The following FAM83G variants were observed in gnomAD, a reference collection of about 807,000 sequenced individuals.
FAM83G encodes the protein scaffolding CK1 anchoring protein G.
In FAM83G, 38 loss-of-function variants were observed where a neutral mutation model predicts 61.5. The observed-to-expected ratio is 0.62, with a 90% confidence interval of 0.48 to 0.81. The LOEUF (loss-of-function observed/expected upper bound fraction) is 0.81. Among genes scored for constraint, FAM83G ranks in the 30% least tolerant of loss-of-function variants. FAM83G has a pLI of 0.00. For synonymous variants in FAM83G, 470 were observed against 476.1 expected (o/e 0.99, Z 0.17); for missense variants, 989 against 1,133.6 (o/e 0.87, Z 1.83).
chr17:18,987,144 C>G (rs1294958184), intron 3 of FAM83G, among the ~76,000 whole-genome samples: 2 of 152,244 alleles, frequency 1.3e-5, no homozygotes, highest in Non-Finnish European at 2.9e-5. Context: ...GTTAACCAGA[C>G]TGGCGGTGCC....
Position 18,978,742 on chromosome 17 carries a change from G to A in FAM83G, c.924C>T (p.His308=), listed in dbSNP as rs201631502. The stretch of plus-strand genomic sequence containing the variant: ...TAGGGATGCCCTTGAGGCTCACACT[G>A]TGTGACATGAGGTACAGCTCCTGGA... ...RQFQELYLMS[H]SVSLKGIPME... The change falls in exon 5 of 6, where the codon CAC becomes CAT. Residue 308 remains histidine (H), a synonymous_variant. Transcript: ENST00000388995. 1 of 1,613,022 alleles carries A rather than the reference G, an allele frequency of 6.2e-7. No individual in the cohort carries two copies. The highest frequency in any genetic ancestry group is 1.3e-5 in the African/African-American group (1 of 75,038).
intron 3 of FAM83G, among the ~76,000 whole-genome samples, chr17:18,987,763 G>A (rs904948936): frequency 1.3e-5 from 2 of 152,244 alleles, no homozygotes; most frequent in Admixed American, 1.3e-4. Flanking sequence ...GCCCCAGCCT[G>A]AGGGAGCTTC....
rs747472551 is a variant in FAM83G at position 18,988,206 on chromosome 17, C to T, written c.690+41G>A. 6 of 1,596,238 alleles carry T rather than the reference C, an allele frequency of 3.8e-6. No individual in the cohort carries two copies. In the South Asian group the frequency reaches 5.5e-5, roughly 15 times the overall value. On this transcript the variant is annotated intron_variant, in intron 3 of 5. Transcript: ENST00000388995. ...GTGTTTGTTGACAGACTGAATGACCCCTGCCCTCCAGCCACCCAGGCAAGT... is the reference window on the plus strand; with the variant it reads ...GTGTTTGTTGACAGACTGAATGACCTCTGCCCTCCAGCCACCCAGGCAAGT...
chr17:19,005,098 T>C (rs1021737910), upstream of FAM83G, among the ~76,000 whole-genome samples: 1 of 152,104 alleles, frequency 6.6e-6, no homozygotes, highest in African/African-American at 2.4e-5. Context: ...TTCGCCGGCG[T>C]GGCGGGAAGT....
chr17:18,973,139 AG>A (rs2042896710), intron 5 of FAM83G, among the ~76,000 whole-genome samples: 1 of 152,332 alleles, frequency 6.6e-6, no homozygotes, highest in South Asian at 2.1e-4. Context: ...TTGGCCGTGG[AG>A]GGCACAGTAG....
intron 3 of FAM83G, among the ~76,000 whole-genome samples, chr17:18,984,616 GT>G (rs1463339001): frequency 1.3e-5 from 2 of 152,228 alleles, no homozygotes; most frequent in Non-Finnish European, 1.5e-5. Context: ...GGTATTTCCA[GT>G]TTGGCTGCAC....
chr17:18,989,989 T>A (rs1335716861), intron 2 of FAM83G, among the ~76,000 whole-genome samples: 1 of 152,166 alleles, frequency 6.6e-6, no homozygotes, highest in Non-Finnish European at 1.5e-5. Flanking sequence ...CAGCTGGGAC[T>A]CCCAGAACTC....
Position 18,978,356 on chromosome 17 carries a change from C to T in FAM83G, c.1310G>A (p.Trp437Ter). ...GTTCATCTGGCTGGGCTGGGGGTTC[C>T]AGATGTTGGGGTCGATGATATTGAT... ...GYINIIDPNI[W>*]NPQPSQMNRI... Residue 437 changes from tryptophan (W) to a stop codon, truncating the protein, a stop_gained, in exon 5 of 6, where the codon TGG (tryptophan) becomes TAG (stop). Transcript: ENST00000388995. LOFTEE classifies it high-confidence loss of function. 1 of 1,599,392 alleles carries T rather than the reference C, an allele frequency of 6.3e-7. No individual in the cohort carries two copies. The highest frequency in any genetic ancestry group is 8.5e-7 in the Non-Finnish European group (1 of 1,173,412).
intron 2 of FAM83G, among the ~76,000 whole-genome samples, chr17:18,994,984 A>G (rs542265946): frequency 3.2e-4 from 48 of 152,256 alleles, no homozygotes; most frequent in Non-Finnish European, 4.0e-4. Context: ...AAAGCTTGAC[A>G]GGAAGCCACA....
At chr17:18,997,099 C>A (rs1489224855) in intron 2 of FAM83G, among the ~76,000 whole-genome samples, 1 of 152,250 alleles carries the variant, frequency 6.6e-6, no homozygotes, top group African/African-American at 2.4e-5. Flanking sequence ...CTCATTAAGG[C>A]CAATTAAAGG....
rs746971207 is a variant in FAM83G, at chr17:18,978,827, G to A, written c.839C>T (p.Thr280Met). The A allele has an allele frequency of 1.0e-4, 164 of 1,612,384 alleles. 2 individuals carry two copies. The South Asian group carries it at 1.2e-3, about 12-fold the overall frequency. The change falls in exon 5 of 6, where the codon ACG becomes ATG. Residue 280 changes from threonine to methionine, a missense_variant. Thr to Met is a moderately conservative substitution (Grantham distance 81). Transcript: ENST00000388995. Reference protein sequence around the residue: ...SYSFTWSAARTDRNVISVLSG... With the variant: ...SYSFTWSAARMDRNVISVLSG... ...CAGCACAGAGATCACATTCCGGTCC[G>A]TCCGCGCGGCCGACCACGTGAAGCT... is the stretch of plus-strand genomic sequence containing the variant.
chr17:18,973,189 G>A (rs951912519), intron 5 of FAM83G, among the ~76,000 whole-genome samples: 5 of 152,332 alleles, frequency 3.3e-5, no homozygotes, highest in South Asian at 4.1e-4. Flanking sequence ...CTTTACACCC[G>A]CCACCTCCCA....
Position 18,978,675 on chromosome 17 carries a change from C to A in FAM83G, c.991G>T (p.Val331Leu). 2 of 1,613,002 alleles carry A rather than the reference C, an allele frequency of 1.2e-6. No homozygotes were observed. Among genetic ancestry groups the A allele is most frequent in the Non-Finnish European group, 1.7e-6 (2 of 1,179,994 alleles). Residue 331 changes from valine (V) to leucine (L), a missense_variant, in exon 5 of 6, where the codon GTG (valine) becomes TTG (leucine). Around this residue, in one of 3 missense-constraint regions of FAM83G, gnomAD observed 44 missense variants for 83.9 expected, o/e 0.52. Transcript: ENST00000388995. Reference sequence around the variant, plus strand: ...GTGCCCGCGGGCACCAGGGGGACCACAGAGGGCAGCACAATAGGCTCCGGC... The same window carrying A: ...GTGCCCGCGGGCACCAGGGGGACCAAAGAGGGCAGCACAATAGGCTCCGGC... ...PEPEPIVLPS[V>L]VPLVPAGTVA...
intron 5 of FAM83G, among the ~76,000 whole-genome samples, chr17:18,975,469 C>T (rs747679516): frequency 2.0e-5 from 3 of 151,838 alleles, no homozygotes; most frequent in African/African-American, 4.8e-5. Flanking sequence ...GCGGGCAGAT[C>T]ACCTGAAGTC....
Position 18,978,542 on chromosome 17 carries a change from C to T in FAM83G, c.1124G>A (p.Gly375Glu). 1.2e-6 allele frequency: 2 copies of T among 1,613,282 alleles called. No individual in the cohort carries two copies. Among genetic ancestry groups the T allele is most frequent in the Non-Finnish European group, 1.7e-6 (2 of 1,179,986 alleles). Residue 375 changes from glycine (G) to glutamate (E), a missense_variant, in exon 5 of 6, where the codon GGG becomes GAG. Gly to Glu is a moderately conservative substitution (Grantham distance 98). Transcript: ENST00000388995. Reference protein sequence around the residue: ...SEKQEAKKPLGLKGPALAEHP... With the variant: ...SEKQEAKKPLELKGPALAEHP... ...CTCAGCCAGCGCTGGGCCTTTCAGC[C>T]CCAGGGGCTTCTTGGCCTCCTGCTT...
chr17:18,979,978 A>G (rs1266926435), intron 3 of FAM83G, among the ~76,000 whole-genome samples: 2 of 151,946 alleles, frequency 1.3e-5, no homozygotes, highest in South Asian at 2.1e-4. Context: ...GAAAAGGCTT[A>G]CACAGCCAGC....
In FAM83G at chr17:18,988,394, G is replaced by A. The variant is rs2043322605; in HGVS notation, c.543C>T (p.Asp181=). ...TGAAGATGTCCACGTCGGTGAACAT[G>A]TCCATGACCACAGCTATCACCTGGG... ...QAQKVIAVVM[D]MFTDVDIFKD... Residue 181 remains aspartate (D), a synonymous_variant, in exon 3 of 6, where the codon GAC becomes GAT. Transcript: ENST00000388995. The A allele has an allele frequency of 6.2e-7, 1 of 1,614,040 alleles. No homozygotes were observed. Among genetic ancestry groups the A allele is most frequent in the African/African-American group, 1.3e-5 (1 of 74,950 alleles).
At chr17:18,984,332 C>CAAAAA (rs1176935676) in intron 3 of FAM83G, among the ~76,000 whole-genome samples, 7 of 68,010 alleles carry the variant, frequency 1.0e-4, no homozygotes, top group South Asian at 4.9e-4. Flanking sequence ...GACTCCCTCT[C>CAAAAA]AAAAAAAAAA....
rs1052943036 is a variant in FAM83G at position 18,989,422 on chromosome 17, C to G, written c.523-1008G>C. 2.6e-5 allele frequency among the ~76,000 whole-genome samples: 4 copies of G among 151,146 alleles called. No individual in the cohort carries two copies. The South Asian group carries it at 6.3e-4, about 24-fold the overall frequency. On this transcript the variant is annotated intron_variant, in intron 2 of 5. Coordinates refer to ENST00000388995, the MANE Select transcript of FAM83G (RefSeq NM_001039999.3). The stretch of plus-strand genomic sequence containing the variant: ...GCTCACCAGGCTGGCCCCTGCAGGC[C>G]CATCTGGGCTCCTCCTGGGCCTCAG...
Sources: gnomAD v4.1 joint callset for allele counts (sites outside exome capture counted in the v4.1 genomes callset) on GRCh38, gnomAD v4.1.1 for gene constraint, gnomAD v4.1.1 regional missense constraint, MANE v1.5 for transcripts, NCBI Gene and HGNC (gene_info 2026-07-23, HGNC 2026-07-21) for gene names.